Variants in STXBP4 observed in about 807,000 individuals in gnomAD.
STXBP4 encodes the protein syntaxin-binding protein 4.
STXBP4 carries 55 observed loss-of-function variants against 76.1 expected under a neutral mutation model. The observed-to-expected ratio is 0.72, with a 90% CI of 0.58 to 0.91. The LOEUF (loss-of-function observed/expected upper bound fraction) is 0.91. STXBP4 is among the 40% of genes least tolerant of loss of function. The pLI is 0.00. For synonymous variants in STXBP4, 201 were observed against 220.2 expected (o/e 0.91, Z 0.77); for missense variants, 618 against 636.9 (o/e 0.97, Z 0.32).
chr17:54,977,471 G>T (rs558570956), intron 1 of STXBP4, among the ~76,000 whole-genome samples: 3 of 152,198 alleles, frequency 2.0e-5, no homozygotes, highest in South Asian at 2.1e-4. Flanking sequence ...TATAGGAGAG[G>T]ATATGCATAG....
intron 17 of STXBP4, among the ~76,000 whole-genome samples, chr17:55,151,926 G>A (rs2080221564): frequency 6.6e-6 from 1 of 152,186 alleles, no homozygotes; most frequent in Admixed American, 6.5e-5. Context: ...AAATGTATGA[G>A]TAGACCTTTG....
At chr17:55,037,969 C>G (rs1256133093) in intron 10 of STXBP4, among the ~76,000 whole-genome samples, 1 of 151,962 alleles carries the variant, frequency 6.6e-6, no homozygotes, top group African/African-American at 2.4e-5. Flanking sequence ...CAGTTTAGTC[C>G]CCCATCTGAA....
Position 54,999,773 on chromosome 17 carries a change from T to A in STXBP4, c.429T>A (p.Pro143=). 6.2e-7 allele frequency: 1 copy of A among 1,613,628 alleles called. No individual in the cohort carries two copies. Among genetic ancestry groups the A allele is most frequent in the Non-Finnish European group, 8.5e-7 (1 of 1,179,760 alleles). Residue 143 remains proline (P), a synonymous_variant, in exon 6 of 18, where the codon CCT becomes CCA. Coordinates refer to ENST00000376352, the MANE Select transcript of STXBP4 (RefSeq NM_178509.6). ...QASTLSLFSS[P]PEILIPKTSS... ...CAACATTAAGTCTTTTTTCTTCTCC[T>A]CCTGAAATACTAATCCCAAAGACCT...
chr17:54,992,521 A>T (rs969760005), intron 4 of STXBP4, among the ~76,000 whole-genome samples: 4 of 152,070 alleles, frequency 2.6e-5, no homozygotes, highest in South Asian at 2.1e-4. Flanking sequence ...AACAAATTCA[A>T]AAAAACAAAA....
intron 8 of STXBP4, among the ~76,000 whole-genome samples, chr17:55,025,420 A>G (rs2078393982): frequency 2.0e-5 from 3 of 152,194 alleles, no homozygotes; most frequent in Non-Finnish European, 4.4e-5. Context: ...TATTTCAGGA[A>G]TGCAAAATTG....
intron 10 of STXBP4, 53 bp from the exon 11 acceptor site, chr17:55,043,183 C>G (rs2078732121): frequency 1.1e-6 from 1 of 892,932 alleles, no homozygotes; most frequent in Non-Finnish European, 1.6e-6. Flanking sequence ...TATGTTACCT[C>G]TCATAATTAG....
chr17:55,063,128 A>G (rs914709773), intron 12 of STXBP4, among the ~76,000 whole-genome samples: 1 of 152,216 alleles, frequency 6.6e-6, no homozygotes, highest in Non-Finnish European at 1.5e-5. Flanking sequence ...TGGACAGCCC[A>G]GCTGGCATTC....
chr17:55,081,097 G>A lies in STXBP4; in HGVS notation c.1403G>A (p.Gly468Glu), dbSNP rs761721611. The A allele has an allele frequency of 3.2e-6, 5 of 1,556,424 alleles. No individual in the cohort carries two copies. The East Asian group carries it at 1.0e-4, about 31-fold the overall frequency. ...TCTCAGACTTCCCTCACACCACTGGGAAGGAATGGACGTAGCATCCCAGCA... is the reference window on the plus strand; with the variant it reads ...TCTCAGACTTCCCTCACACCACTGGAAAGGAATGGACGTAGCATCCCAGCA... ...LASQTSLTPL[G>E]RNGRSIPATL... Residue 468 changes from glycine (G) to glutamate (E), a missense_variant, in exon 16 of 18, where the codon GGA becomes GAA. By Grantham distance (98) the Gly-to-Glu change is moderately conservative. Coordinates refer to ENST00000376352, the MANE Select transcript of STXBP4 (RefSeq NM_178509.6).
chr17:55,082,203 A>G (rs2079264665), intron 16 of STXBP4, among the ~76,000 whole-genome samples: 1 of 152,214 alleles, frequency 6.6e-6, no homozygotes, highest in Admixed American at 6.5e-5. Flanking sequence ...GCCTGCACCT[A>G]AACAGAGAAT....
intron 8 of STXBP4, among the ~76,000 whole-genome samples, chr17:55,028,010 G>A (rs1466478105): frequency 2.0e-5 from 3 of 151,950 alleles, no homozygotes; most frequent in Admixed American, 1.3e-4. Context: ...TCTTACCTCT[G>A]GGAATAAGTT....
chr17:55,027,605 G>A lies in STXBP4; in HGVS notation c.667-3563G>A, dbSNP rs542038841. On this transcript the variant is annotated intron_variant, in intron 8 of 17. Coordinates refer to ENST00000376352, the MANE Select transcript of STXBP4 (RefSeq NM_178509.6). ...AAGTTGAACTCACACTTTCTGATTTGAAATATGTAGTAAGCCTTACTGTAG... is the reference window on the plus strand; with the variant it reads ...AAGTTGAACTCACACTTTCTGATTTAAAATATGTAGTAAGCCTTACTGTAG... Among the ~76,000 whole-genome samples the A allele has an allele frequency of 2.0e-5, 3 of 152,294 alleles. No individual in the cohort carries two copies. The East Asian group carries it at 5.8e-4, about 29-fold the overall frequency.
intron 16 of STXBP4, among the ~76,000 whole-genome samples, chr17:55,093,586 G>A (rs982700718): frequency 2.0e-5 from 3 of 152,150 alleles, no homozygotes; most frequent in Admixed American, 6.5e-5. Flanking sequence ...ATATTCTCCT[G>A]TGTTGTTTCA....
chr17:55,123,866 C>T (rs894234677), intron 16 of STXBP4, among the ~76,000 whole-genome samples: 1 of 151,522 alleles, frequency 6.6e-6, no homozygotes, highest in African/African-American at 2.4e-5. Context: ...CACCACGGCA[C>T]TCCAACCTGG....
rs1258391202 is a variant in STXBP4 at position 55,169,477 on chromosome 17, A to C, written c.*9566A>C. 1 of 152,252 alleles carries C rather than the reference A, an allele frequency of 6.6e-6. No homozygotes were observed. The highest frequency in any genetic ancestry group is 1.5e-5 in the Non-Finnish European group (1 of 68,080). The allele number at this position is 152,252 out of a possible 1,614,324, so 9.4% of individuals were successfully genotyped here. A position where few individuals can be genotyped will look rare whatever the true frequency, so the allele number is the denominator to read the frequency against. On this transcript the variant is annotated 3_prime_UTR_variant, in exon 18 of 18. Transcript: ENST00000376352. Reference sequence around the variant, plus strand: ...TCCAACAAAGAGGTGCAGGTGCTGAATGTTGAGAGTGAAAGCACAGGGAGC... The same window carrying C: ...TCCAACAAAGAGGTGCAGGTGCTGACTGTTGAGAGTGAAAGCACAGGGAGC...
chr17:55,178,362 A>T (rs1389723296), downstream of STXBP4, among the ~76,000 whole-genome samples: 1 of 152,252 alleles, frequency 6.6e-6, no homozygotes, highest in African/African-American at 2.4e-5. Context: ...GCCACATGGC[A>T]TGTGGTTTTG....
the STXBP4 span, among the ~76,000 whole-genome samples, chr17:55,189,994 C>G: frequency 1.3e-5 from 2 of 152,148 alleles, no homozygotes; most frequent in Non-Finnish European, 2.9e-5. Context: ...TTCCTTTCCT[C>G]TAGGCAGTAG....
In STXBP4 at chr17:54,990,884, T is replaced by C; in HGVS notation, c.107T>C (p.Leu36Pro). 5.0e-6 allele frequency: 8 copies of C among 1,605,084 alleles called. No homozygotes were observed. Among genetic ancestry groups the C allele is most frequent in the Non-Finnish European group, 6.8e-6 (8 of 1,176,960 alleles). ...AKETGLGLKV[L>P]GGINRNEGPL... is the part of the protein sequence containing the mutation. ...GAAACAGGCCTTGGCCTGAAGGTAC[T>C]AGGAGGAATTAACCGGAATGAAGGC... Residue 36 changes from leucine (L) to proline (P), a missense_variant, in exon 4 of 18, where the codon CTA (leucine) becomes CCA (proline). By Grantham distance (98) the Leu-to-Pro change is moderately conservative. Transcript: ENST00000376352.
intron 8 of STXBP4, among the ~76,000 whole-genome samples, chr17:55,025,678 A>T (rs959589116): frequency 1.3e-5 from 2 of 152,268 alleles, no homozygotes; most frequent in Admixed American, 6.5e-5. Context: ...TACTGCTAAC[A>T]TCATGCTTAA....
intron 8 of STXBP4, among the ~76,000 whole-genome samples, chr17:55,019,505 T>A (rs1420938907): frequency 6.6e-6 from 1 of 152,208 alleles, no homozygotes; most frequent in African/African-American, 2.4e-5. Flanking sequence ...TATCTTTGTT[T>A]AGTCTTACAA....
Sources: gnomAD v4.1 joint callset for allele counts (sites outside exome capture counted in the v4.1 genomes callset) on GRCh38, gnomAD v4.1.1 for gene constraint, MANE v1.5 for transcripts, NCBI Gene and HGNC (gene_info 2026-07-23, HGNC 2026-07-21) for gene names.